Variants in DCC observed in about 807,000 individuals in gnomAD.
The protein encoded by DCC is netrin receptor DCC.
A neutral mutation model predicts 172.5 loss-of-function variants in DCC; 58 were observed. The observed-to-expected ratio is 0.34, with a 90% CI of 0.27 to 0.42. The LOEUF is 0.42. DCC is among the 10% of genes least tolerant of loss of function. The pLI, the probability that DCC is intolerant of heterozygous loss-of-function variation, is 1.00. For missense variants in DCC, 1,740 were observed against 1,791.0 expected (o/e 0.97, Z 0.51); for synonymous variants, 709 against 644.5 (o/e 1.10, Z -1.52).
chr18:52,521,379 C>T lies in DCC; in HGVS notation c.91+180501C>T, dbSNP rs145522999. Among the ~76,000 whole-genome samples the T allele has an allele frequency of 3.3e-3, 509 of 152,242 alleles. 10 individuals carry two copies. The highest frequency in any genetic ancestry group is 0.011 in the African/African-American group (477 of 41,534). On this transcript the variant is annotated intron_variant, in intron 1 of 28. Transcript: ENST00000442544. ...GGCTGCCATAACAAAACACCATGGA[C>T]TGTTTGCTTTAAACGACAAAAATTT...
chr18:53,205,044 C>A (rs144407502), intron 9 of DCC, among the ~76,000 whole-genome samples, 172 bp from the exon 10 acceptor site: 4 of 152,130 alleles, frequency 2.6e-5, no homozygotes, highest in African/African-American at 9.6e-5. Context: ...TAAAATGAAG[C>A]GATTCTAAAG....
At chr18:52,998,051 G>A (rs2041509992) in intron 5 of DCC, among the ~76,000 whole-genome samples, 1 of 151,916 alleles carries the variant, frequency 6.6e-6, no homozygotes, top group African/African-American at 2.4e-5. Flanking sequence ...GACCTGTGCT[G>A]TCCAATGCAG....
chr18:53,194,397 C>T (rs770046291), intron 9 of DCC, among the ~76,000 whole-genome samples: 1 of 151,884 alleles, frequency 6.6e-6, no homozygotes, highest in Non-Finnish European at 1.5e-5. Flanking sequence ...TCTGGATCAT[C>T]CTGGCTTTTC....
At chr18:53,382,329 CAAAAG>C (rs1907825393) in intron 15 of DCC, among the ~76,000 whole-genome samples, 1 of 151,992 alleles carries the variant, frequency 6.6e-6, no homozygotes, top group Admixed American at 6.6e-5. Context: ...TGCAATAACT[CAAAAG>C]AATATATTTC....
chr18:52,830,591 T>TAGG (rs2038596348), intron 2 of DCC, among the ~76,000 whole-genome samples: 3 of 152,146 alleles, frequency 2.0e-5, no homozygotes, highest in African/African-American at 7.2e-5. Context: ...CTAATACCTA[T>TAGG]TACTAGACTA....
intron 3 of DCC, among the ~76,000 whole-genome samples, chr18:52,920,035 AAAG>A (rs1336502469): frequency 1.5e-4 from 23 of 151,860 alleles, no homozygotes; most frequent in African/African-American, 4.8e-4. Flanking sequence ...AAAAAAAAAA[AAAG>A]AATCCAGACA....
intron 18 of DCC, among the ~76,000 whole-genome samples, chr18:53,398,088 G>A (rs1909068513): frequency 6.6e-6 from 1 of 152,106 alleles, no homozygotes; most frequent in Non-Finnish European, 1.5e-5. Context: ...CAGTGTACTT[G>A]ACATTTATAG....
At chr18:52,734,236 T>C (rs1160439567) in intron 1 of DCC, among the ~76,000 whole-genome samples, 2 of 152,132 alleles carry the variant, frequency 1.3e-5, no homozygotes, top group Non-Finnish European at 2.9e-5. Context: ...TTGTCCTGGC[T>C]TAATTATAAA....
intron 1 of DCC, among the ~76,000 whole-genome samples, chr18:52,707,389 T>C (rs935540696): frequency 3.3e-5 from 5 of 152,306 alleles, no homozygotes; most frequent in South Asian, 2.1e-4. Context: ...GTGTGGAAAG[T>C]TTTTGTAGCT....
intron 12 of DCC, among the ~76,000 whole-genome samples, chr18:53,234,255 T>C (rs938852073): frequency 6.7e-6 from 1 of 150,250 alleles, no homozygotes; most frequent in Non-Finnish European, 1.5e-5. Context: ...CATCTCAAAA[T>C]AAAATGAAAT....
intron 1 of DCC, among the ~76,000 whole-genome samples, chr18:52,734,390 G>A (rs537879661): frequency 2.0e-5 from 3 of 152,146 alleles, no homozygotes; most frequent in Admixed American, 6.5e-5. Flanking sequence ...TATCATACAC[G>A]TTTTTTTGTT....
intron 22 of DCC, among the ~76,000 whole-genome samples, chr18:53,444,149 T>A (rs149797354): frequency 5.1e-4 from 77 of 152,344 alleles, no homozygotes; most frequent in African/African-American, 1.8e-3. Context: ...ATTTCTCCTA[T>A]GGGTAAAATG....
intron 1 of DCC, among the ~76,000 whole-genome samples, chr18:52,532,411 G>A (rs745908983): frequency 1.1e-4 from 16 of 152,066 alleles, no homozygotes; most frequent in Non-Finnish European, 2.1e-4. Context: ...TCAAGAACTC[G>A]ATCCATTGTT....
intron 7 of DCC, among the ~76,000 whole-genome samples, chr18:53,072,900 C>T (rs2144111372): frequency 6.6e-6 from 1 of 152,226 alleles, no homozygotes; most frequent in East Asian, 1.9e-4. Flanking sequence ...CACTTAACTC[C>T]AAGCCTTAAT....
At chr18:52,682,412 C>G (rs557957638) in intron 1 of DCC, among the ~76,000 whole-genome samples, 3 of 152,012 alleles carry the variant, frequency 2.0e-5, no homozygotes, top group South Asian at 4.2e-4. Context: ...AAAATGCATT[C>G]CAGGCTTAGG....
At chr18:52,811,206 G>A (rs927781182) in intron 2 of DCC, among the ~76,000 whole-genome samples, 5 of 152,112 alleles carry the variant, frequency 3.3e-5, no homozygotes, top group African/African-American at 9.7e-5. Flanking sequence ...CTGGCAAATT[G>A]TCATTATCGT....
rs199809974 is a variant in DCC, at chr18:52,911,731, T to TC, written c.697+5403_697+5404insC. On this transcript the variant is annotated intron_variant, in intron 3 of 28. Coordinates refer to ENST00000442544, the MANE Select transcript of DCC (RefSeq NM_005215.4). ...TGATATTTTTGTCTCATATTTAACATTTTTTTTTTTGCTGCATTGTAGGAG... is the reference window on the plus strand; with the variant it reads ...TGATATTTTTGTCTCATATTTAACATCTTTTTTTTTTGCTGCATTGTAGGAG... Among the ~76,000 whole-genome samples, 8 of 26,630 alleles carry TC rather than the reference T, an allele frequency of 3.0e-4. No individual in the cohort carries two copies. The South Asian group carries it at 8.8e-3, about 29-fold the overall frequency. The allele number at this position is 26,630 out of a possible 152,430, so 17.5% of individuals were successfully genotyped here. A position where few individuals can be genotyped will look rare whatever the true frequency, so the allele number is the denominator to read the frequency against.
intron 1 of DCC, among the ~76,000 whole-genome samples, chr18:52,349,473 T>A (rs1256446625): frequency 6.6e-6 from 1 of 152,234 alleles, no homozygotes; most frequent in African/African-American, 2.4e-5. Context: ...TCATGTTTAA[T>A]GTCTGGGCAG....
At chr18:52,896,542 G>T (rs2039733443) in intron 2 of DCC, among the ~76,000 whole-genome samples, 1 of 152,174 alleles carries the variant, frequency 6.6e-6, no homozygotes, top group Non-Finnish European at 1.5e-5. Context: ...AATTTGATTA[G>T]ATTTTAAGAA....
Sources: allele counts gnomAD v4.1 joint callset (sites outside exome capture counted in the v4.1 genomes callset), GRCh38; gene constraint gnomAD v4.1.1; transcripts MANE v1.5; gene names NCBI Gene and HGNC (gene_info 2026-07-23, HGNC 2026-07-21).